Variants in TMEM132C observed in about 807,000 individuals in gnomAD.
TMEM132C encodes transmembrane protein 132C, also known as protein phosphatase 1, regulatory subunit 152.
TMEM132C carries 29 observed loss-of-function variants against 61.4 expected under a neutral mutation model. That is an observed-to-expected ratio of 0.47 (90% CI 0.35 to 0.64). The LOEUF (loss-of-function observed/expected upper bound fraction) is 0.64, where lower values mean the gene tolerates loss of function less well. Among genes scored for constraint, TMEM132C ranks in the 30% least tolerant of loss-of-function variants. The pLI is 0.00. For synonymous variants in TMEM132C, 656 were observed against 633.1 expected (o/e 1.04, Z -0.54); for missense variants, 1,408 against 1,476.9 (o/e 0.95, Z 0.76).
chr12:128,381,946 A>G (rs1874413735), intron 1 of TMEM132C, among the ~76,000 whole-genome samples: 1 of 152,102 alleles, frequency 6.6e-6, no homozygotes, highest in South Asian at 2.1e-4. Context: ...CGTCTCGGAT[A>G]CACTCTGCCC....
chr12:128,502,608 A>G (rs1872221395), intron 2 of TMEM132C, among the ~76,000 whole-genome samples: 1 of 152,208 alleles, frequency 6.6e-6, no homozygotes, highest in African/African-American at 2.4e-5. Flanking sequence ...ATCCAAAGCT[A>G]GTGTCCCCGA....
intron 3 of TMEM132C, among the ~76,000 whole-genome samples, chr12:128,575,035 C>T (rs191448798): frequency 6.6e-6 from 1 of 152,344 alleles, no homozygotes; most frequent in African/African-American, 2.4e-5. Context: ...GCTATATGCA[C>T]TACAATTCCT....
At chr12:128,443,869 G>A (rs1375816335) in intron 2 of TMEM132C, among the ~76,000 whole-genome samples, 1 of 152,192 alleles carries the variant, frequency 6.6e-6, no homozygotes, top group Non-Finnish European at 1.5e-5. Context: ...CTGCCATTCA[G>A]GATTGCCTCC....
chr12:128,550,914 G>C (rs1027095715), intron 3 of TMEM132C, among the ~76,000 whole-genome samples: 10 of 152,130 alleles, frequency 6.6e-5, no homozygotes, highest in African/African-American at 1.7e-4. Context: ...GACAGGTGTG[G>C]AATACGAAAG....
chr12:128,374,990 C>G (rs1565916789), intron 1 of TMEM132C, among the ~76,000 whole-genome samples: 1 of 141,354 alleles, frequency 7.1e-6, no homozygotes, highest in Non-Finnish European at 1.5e-5. Context: ...AAAACCATTC[C>G]CAGCCTCAGC....
At chr12:128,409,878 C>A (rs1868473880) in intron 1 of TMEM132C, among the ~76,000 whole-genome samples, 1 of 152,068 alleles carries the variant, frequency 6.6e-6, no homozygotes, top group African/African-American at 2.4e-5. Context: ...CACTTTCTCC[C>A]CGGCTAAGAA....
intron 3 of TMEM132C, among the ~76,000 whole-genome samples, chr12:128,585,153 A>G (rs1173801563): frequency 6.6e-6 from 1 of 152,310 alleles, no homozygotes; most frequent in East Asian, 1.9e-4. Context: ...ACTTTTTTGA[A>G]CACTATGTTC....
intron 4 of TMEM132C, among the ~76,000 whole-genome samples, chr12:128,634,344 G>A (rs1296248080): frequency 6.6e-6 from 1 of 152,234 alleles, no homozygotes; most frequent in Non-Finnish European, 1.5e-5. Context: ...CAAAGTGCTG[G>A]GATTACAGGC....
At chr12:128,267,722 C>CG (rs1870358554) in intron 1 of TMEM132C, among the ~76,000 whole-genome samples, 3 of 152,182 alleles carry the variant, frequency 2.0e-5, no homozygotes, top group African/African-American at 4.8e-5. Context: ...TCTCCCACCC[C>CG]GGACCCCCCA....
chr12:128,576,489 G>C (rs963792160), intron 3 of TMEM132C, among the ~76,000 whole-genome samples: 1 of 152,230 alleles, frequency 6.6e-6, no homozygotes, highest in Non-Finnish European at 1.5e-5. Context: ...CCTATCTTTT[G>C]AGTTAATCTT....
intron 2 of TMEM132C, among the ~76,000 whole-genome samples, chr12:128,439,390 C>G (rs1051013749): frequency 3.9e-5 from 6 of 152,112 alleles, no homozygotes; most frequent in African/African-American, 1.4e-4. Context: ...GTTTTATCAG[C>G]TTTTGAAATA....
intron 1 of TMEM132C, among the ~76,000 whole-genome samples, chr12:128,268,892 G>C (rs1870412543): frequency 7.1e-6 from 1 of 140,278 alleles, no homozygotes; most frequent in African/African-American, 2.7e-5. Flanking sequence ...AGAGAGGGGG[G>C]GGAAGAAGGA....
Position 128,706,526 on chromosome 12 carries a change from G to A in TMEM132C, c.*231G>A, listed in dbSNP as rs1301821944. 4.1e-5 allele frequency: 20 copies of A among 492,848 alleles called. No individual in the cohort carries two copies. The highest frequency in any genetic ancestry group is 6.0e-5 in the Non-Finnish European group (18 of 298,024). 30.5% of individuals were successfully genotyped at this position (492,848 alleles called of 1,614,324 possible). ...GGGAATAAAGTCTGGGGCATGGGGA[G>A]TGCAGACCAAGTTACTGAACTGCAC... On this transcript the variant is annotated 3_prime_UTR_variant, in exon 9 of 9. Coordinates refer to ENST00000435159, the MANE Select transcript of TMEM132C (RefSeq NM_001136103.3).
At chr12:128,551,239 A>AG (rs1874166351) in intron 3 of TMEM132C, among the ~76,000 whole-genome samples, 1 of 148,416 alleles carries the variant, frequency 6.7e-6, no homozygotes. Context: ...TCCCCTGGTG[A>AG]AATGTCCTCT....
intron 1 of TMEM132C, among the ~76,000 whole-genome samples, chr12:128,351,799 C>T (rs1040722106): frequency 6.6e-6 from 1 of 152,232 alleles, no homozygotes; most frequent in Non-Finnish European, 1.5e-5. Context: ...TAGCAGGCCC[C>T]ACCTCCAATA....
intron 3 of TMEM132C, among the ~76,000 whole-genome samples, chr12:128,610,939 G>C (rs1876612409): frequency 6.6e-6 from 1 of 152,106 alleles, no homozygotes; most frequent in East Asian, 1.9e-4. Flanking sequence ...GGCTTCAAAA[G>C]TGTGCCTGAA....
At position 128,706,076 on chromosome 12, in the gene TMEM132C, C is replaced by T; in HGVS notation, c.3108C>T (p.Gly1036=). 6.4e-7 allele frequency: 1 copy of T among 1,551,634 alleles called. No homozygotes were observed. ...CAGCCGACTCCGGGGGGCGGCAGGGCAGAGAACAGAAGCAGGACCCCCTGC... is the reference window on the plus strand; with the variant it reads ...CAGCCGACTCCGGGGGGCGGCAGGGTAGAGAACAGAAGCAGGACCCCCTGC... ...HRSADSGGRQ[G]REQKQDPLHS... The change falls in exon 9 of 9, where the codon GGC becomes GGT. Residue 1036 remains glycine (G), a synonymous_variant. Transcript: ENST00000435159.
intron 2 of TMEM132C, among the ~76,000 whole-genome samples, chr12:128,429,909 A>G (rs966356172): frequency 1.3e-5 from 2 of 152,116 alleles, no homozygotes; most frequent in African/African-American, 4.8e-5. Flanking sequence ...TGGGAGAGCT[A>G]AAGGGTGCAG....
Position 128,705,338 on chromosome 12 carries a change from G to C in TMEM132C, c.2370G>C (p.Val790=). 6.4e-7 allele frequency: 1 copy of C among 1,551,450 alleles called. No individual in the cohort carries two copies. Among genetic ancestry groups the C allele is most frequent in the Non-Finnish European group, 8.7e-7 (1 of 1,146,888 alleles). ...CTAAACGCAAGAGCATCCTGGCTGT[G>C]GGCGTCGGCAACGTCAGGGTCAAGT... ...QKSKRKSILA[V]GVGNVRVKFG... Residue 790 remains valine, a synonymous_variant, in exon 9 of 9, where the codon GTG becomes GTC. Transcript: ENST00000435159.
Sources: allele counts gnomAD v4.1 joint callset (sites outside exome capture counted in the v4.1 genomes callset), GRCh38; gene constraint gnomAD v4.1.1; transcripts MANE v1.5; gene names NCBI Gene and HGNC (gene_info 2026-07-23, HGNC 2026-07-21).